Variants in CA10 observed in about 807,000 individuals in gnomAD.
CA10 encodes the protein carbonic anhydrase-related protein 10.
CA10 carries 14 observed loss-of-function variants against 44.2 expected under a neutral mutation model. The observed-to-expected ratio is 0.32, with a 90% confidence interval of 0.21 to 0.50. The LOEUF is 0.50. Ranked by LOEUF, CA10 falls within the 20% of genes least tolerant of loss-of-function variation. The pLI is 0.99. For synonymous variants in CA10, 159 were observed against 141.6 expected, an observed-to-expected ratio of 1.12 and a Z score of -0.87; for missense variants, 350 against 409.7, an observed-to-expected ratio of 0.85 and a Z score of 1.26.
chr17:52,080,110 G>T (rs1379254937), intron 1 of CA10, among the ~76,000 whole-genome samples: 1 of 152,136 alleles, frequency 6.6e-6, no homozygotes, highest in Admixed American at 6.5e-5. Flanking sequence ...TATTGATGGC[G>T]GGTAGCCCGT....
At chr17:51,755,308 A>G (rs1905044367) in intron 3 of CA10, among the ~76,000 whole-genome samples, 1 of 152,214 alleles carries the variant, frequency 6.6e-6, no homozygotes, top group South Asian at 2.1e-4. Flanking sequence ...ATCTTTTTAT[A>G]AAGACCAATT....
At position 51,899,065 on chromosome 17, in the gene CA10, T is replaced by C. The variant is rs1223536890; in HGVS notation, c.279+31925A>G. Among the ~76,000 whole-genome samples, 5 of 152,078 alleles carry C rather than the reference T, an allele frequency of 3.3e-5. No individual in the cohort carries two copies. The South Asian group carries it at 8.3e-4, about 25-fold the overall frequency. On this transcript the variant is annotated intron_variant, in intron 3 of 8. Coordinates refer to ENST00000451037, the MANE Select transcript of CA10 (RefSeq NM_020178.5). ...ATTTAGTTTAGCTCTGATTTTGTTTTTTTCTTGTCTTCTGCTAGCTTTGGG... is the reference window on the plus strand; with the variant it reads ...ATTTAGTTTAGCTCTGATTTTGTTTCTTTCTTGTCTTCTGCTAGCTTTGGG...
intron 1 of CA10, among the ~76,000 whole-genome samples, chr17:52,085,603 A>G (rs568594540): frequency 5.3e-5 from 8 of 152,190 alleles, no homozygotes; most frequent in East Asian, 1.9e-4. Flanking sequence ...CTGTTTTCCA[A>G]AACTCATCCT....
At chr17:51,640,499 C>T (rs972143446) in intron 6 of CA10, among the ~76,000 whole-genome samples, 1 of 152,192 alleles carries the variant, frequency 6.6e-6, no homozygotes, top group Non-Finnish European at 1.5e-5. Context: ...AGTCAGTGCG[C>T]ATTTAACGTG....
intron 3 of CA10, among the ~76,000 whole-genome samples, chr17:51,899,927 G>C (rs1461378335): frequency 7.4e-6 from 1 of 135,304 alleles, no homozygotes; most frequent in African/African-American, 3.1e-5. Flanking sequence ...GACTATGGGT[G>C]TCACTGCATG....
At chr17:51,794,861 AC>A (rs1319367773) in intron 3 of CA10, among the ~76,000 whole-genome samples, 1 of 152,216 alleles carries the variant, frequency 6.6e-6, no homozygotes, top group Admixed American at 6.5e-5. Context: ...GGATTTTCAA[AC>A]ATGTGAAATC....
chr17:51,794,877 CT>C (rs1470352181), intron 3 of CA10, among the ~76,000 whole-genome samples: 2 of 152,192 alleles, frequency 1.3e-5, no homozygotes, highest in Non-Finnish European at 2.9e-5. Flanking sequence ...GAAATCCTCA[CT>C]TTAAATAGGG....
intron 1 of CA10, among the ~76,000 whole-genome samples, chr17:52,096,808 CAA>C (rs2143231455): frequency 6.6e-6 from 1 of 152,238 alleles, no homozygotes; most frequent in East Asian, 1.9e-4. Flanking sequence ...GTTTTCTATC[CAA>C]AGTCTTCACA....
chr17:51,838,775 C>G (rs1046751936), intron 3 of CA10, among the ~76,000 whole-genome samples: 2 of 152,222 alleles, frequency 1.3e-5, no homozygotes, highest in Admixed American at 1.3e-4. Flanking sequence ...CAGTTATGCT[C>G]AAGGGAGCCT....
At chr17:51,680,451 T>C (rs559212344) in intron 4 of CA10, among the ~76,000 whole-genome samples, 9 of 152,166 alleles carry the variant, frequency 5.9e-5, no homozygotes, top group Non-Finnish European at 1.3e-4. Context: ...TGGGCAAGTG[T>C]ATGGTGGACT....
At chr17:51,845,350 G>A (rs772578217) in intron 3 of CA10, among the ~76,000 whole-genome samples, 4 of 152,154 alleles carry the variant, frequency 2.6e-5, no homozygotes, top group East Asian at 1.9e-4. Flanking sequence ...CTGTCAAGTC[G>A]TGAAGATATT....
At chr17:51,713,410 T>C (rs1916004534) in intron 4 of CA10, among the ~76,000 whole-genome samples, 1 of 152,212 alleles carries the variant, frequency 6.6e-6, no homozygotes, top group Non-Finnish European at 1.5e-5. Context: ...CAATGATATC[T>C]AGCGGGGACA....
intron 3 of CA10, among the ~76,000 whole-genome samples, chr17:51,782,748 C>T (rs1020837771): frequency 2.3e-4 from 35 of 152,164 alleles, no homozygotes; most frequent in Admixed American, 2.1e-3. Context: ...GAGCTTAGAT[C>T]CTTCCAATAT....
intron 3 of CA10, among the ~76,000 whole-genome samples, chr17:51,857,423 ACT>A (rs778100945): frequency 5.3e-5 from 8 of 152,078 alleles, no homozygotes; most frequent in Non-Finnish European, 7.4e-5. Context: ...CAAGAGCATG[ACT>A]CTGTATTTTA....
intron 1 of CA10, among the ~76,000 whole-genome samples, chr17:52,094,507 G>A (rs1179972314): frequency 6.6e-6 from 1 of 152,050 alleles, no homozygotes; most frequent in Non-Finnish European, 1.5e-5. Context: ...TATCACAAAA[G>A]AGTGAAAATG....
intron 3 of CA10, among the ~76,000 whole-genome samples, chr17:51,784,618 T>C (rs1354075644): frequency 6.6e-6 from 1 of 152,200 alleles, no homozygotes; most frequent in African/African-American, 2.4e-5. Context: ...CATATTTGTC[T>C]TTTAATATAA....
At chr17:51,848,957 G>A (rs1222083231) in intron 3 of CA10, among the ~76,000 whole-genome samples, 1 of 151,608 alleles carries the variant, frequency 6.6e-6, no homozygotes, top group Non-Finnish European at 1.5e-5. Flanking sequence ...GAAGCAGGGG[G>A]ACTTCTTGAG....
intron 1 of CA10, among the ~76,000 whole-genome samples, chr17:52,124,583 G>T (rs967667480): frequency 6.6e-6 from 1 of 152,186 alleles, no homozygotes; most frequent in Non-Finnish European, 1.5e-5. Context: ...TGATATATAA[G>T]ATATTCATAA....
chr17:51,975,294 T>C (rs1476502932), intron 2 of CA10, among the ~76,000 whole-genome samples: 3 of 152,154 alleles, frequency 2.0e-5, no homozygotes, highest in Non-Finnish European at 4.4e-5. Flanking sequence ...AAAATCATAG[T>C]GTGCTTAATC....
Sources: gnomAD v4.1 joint callset for allele counts (sites outside exome capture counted in the v4.1 genomes callset) on GRCh38, gnomAD v4.1.1 for gene constraint, MANE v1.5 for transcripts, NCBI Gene and HGNC (gene_info 2026-07-23, HGNC 2026-07-21) for gene names.